The following GREB1L variants were observed in gnomAD, a reference collection of about 807,000 sequenced individuals.
The protein encoded by GREB1L is GREB1-like protein.
A neutral mutation model predicts 200.8 loss-of-function variants in GREB1L; 17 were observed. The observed-to-expected ratio is 0.08, with a 90% confidence interval of 0.06 to 0.13. GREB1L has a LOEUF of 0.13. GREB1L is among the 10% of genes least tolerant of loss of function. The probability of loss-of-function intolerance (pLI) is 1.00; values close to 1 mark genes in which losing one functional copy is unlikely to be tolerated. For synonymous variants in GREB1L, 789 were observed against 893.0 expected, an observed-to-expected ratio of 0.88 and a Z score of 2.08; for missense variants, 1,657 against 2,367.7, an observed-to-expected ratio of 0.70 and a Z score of 6.23.
At chr18:21,486,606 A>G (rs1568050448) in intron 18 of GREB1L, among the ~76,000 whole-genome samples, 1 of 152,148 alleles carries the variant, frequency 6.6e-6, no homozygotes, top group Non-Finnish European at 1.5e-5. Flanking sequence ...GGATTAAGGA[A>G]CATAACTGCT....
intron 7 of GREB1L, among the ~76,000 whole-genome samples, chr18:21,422,996 T>C (rs1432851841): frequency 6.6e-6 from 1 of 152,156 alleles, no homozygotes; most frequent in East Asian, 1.9e-4. Context: ...AGTGGCGCGA[T>C]CTCGGCTCAC....
chr18:21,501,998 C>T (rs976883787), intron 23 of GREB1L, among the ~76,000 whole-genome samples: 2 of 152,188 alleles, frequency 1.3e-5, no homozygotes, highest in South Asian at 2.1e-4. Context: ...CAGTAGCTCA[C>T]GCCTGTAATC....
At chr18:21,390,087 A>C (rs992357547) in intron 4 of GREB1L, among the ~76,000 whole-genome samples, 2 of 152,178 alleles carry the variant, frequency 1.3e-5, no homozygotes, top group African/African-American at 4.8e-5. Context: ...TTGCCTGATG[A>C]CACTGTAGCC....
At position 21,515,490 on chromosome 18, in the gene GREB1L, C is replaced by A; in HGVS notation, c.4975C>A (p.Pro1659Thr). 6.4e-7 allele frequency: 1 copy of A among 1,551,652 alleles called. No homozygotes were observed. Among genetic ancestry groups the A allele is most frequent in the Non-Finnish European group, 8.7e-7 (1 of 1,146,964 alleles). The change falls in exon 29 of 33, where the codon CCA becomes ACA. Residue 1659 changes from proline (P) to threonine (T), a missense_variant. Pro to Thr is a conservative substitution (Grantham distance 38). Coordinates refer to ENST00000424526, the MANE Select transcript of GREB1L (RefSeq NM_001142966.3). The part of the protein sequence containing the change: ...KTVLQHIEAT[P>T]KIVHYAILGI... ...TGTCTTGCAGCACATTGAAGCCACA[C>A]CAAAAATTGTCCACTATGCAATCTT...
intron 1 of GREB1L, among the ~76,000 whole-genome samples, chr18:21,338,178 T>G (rs1316550791): frequency 6.6e-6 from 1 of 152,156 alleles, no homozygotes; most frequent in Non-Finnish European, 1.5e-5. Context: ...CATCAACCCT[T>G]TCTGGGGTGT....
Position 21,291,754 on chromosome 18 carries a change from C to T in GREB1L, c.-120+49361C>T, listed in dbSNP as rs200576396. Among the ~76,000 whole-genome samples the T allele has an allele frequency of 5.9e-5, 9 of 152,224 alleles. No homozygotes were observed. In the East Asian group the frequency reaches 1.7e-3, roughly 29 times the overall value. On this transcript the variant is annotated intron_variant, in intron 1 of 32. Coordinates refer to ENST00000424526, the MANE Select transcript of GREB1L (RefSeq NM_001142966.3). ...CATGCAGCTCATTGGGGACTAAAAC[C>T]TTAAAGAGAAATGGAGGCTGGGCAT...
Position 21,500,630 on chromosome 18 carries a change from G to C in GREB1L, c.4060G>C (p.Glu1354Gln), listed in dbSNP as rs1380378064. The C allele has an allele frequency of 2.6e-6, 4 of 1,549,092 alleles. No homozygotes were observed. Among genetic ancestry groups the C allele is most frequent in the East Asian group, 4.9e-5 (2 of 40,908 alleles). Residue 1354 changes from glutamate (E) to glutamine (Q), a missense_variant, in exon 23 of 33, where the codon GAG becomes CAG. Around this residue, in one of 9 missense-constraint regions of GREB1L, gnomAD observed 512 missense variants for 668.3 expected, o/e 0.77. Coordinates refer to ENST00000424526, the MANE Select transcript of GREB1L (RefSeq NM_001142966.3). Reference protein sequence around the residue: ...LLEVDVYDEEEINTDHNESSE... With the variant: ...LLEVDVYDEEQINTDHNESSE... ...GGAGGTGGACGTGTATGATGAGGAG[G>C]AGATCAACACCGGTGAGTGCTGAGC...
intron 8 of GREB1L, 97 bp from the exon 9 acceptor site, chr18:21,440,172 G>T: frequency 8.0e-7 from 1 of 1,257,536 alleles, no homozygotes; most frequent in Non-Finnish European, 1.1e-6. Flanking sequence ...CAAATTAAAG[G>T]TTCTGTATTA....
chr18:21,432,256 C>A (rs1322492321), intron 7 of GREB1L, among the ~76,000 whole-genome samples: 5 of 152,164 alleles, frequency 3.3e-5, no homozygotes, highest in South Asian at 4.2e-4. Flanking sequence ...AGGATGGCCA[C>A]TCCATCTCTC....
chr18:21,515,176 A>C lies in GREB1L; in HGVS notation c.4902-241A>C, dbSNP rs188453057. 2.8e-4 allele frequency among the ~76,000 whole-genome samples: 42 copies of C among 152,310 alleles called. No individual in the cohort carries two copies. In the East Asian group the frequency reaches 4.6e-3, roughly 17 times the overall value. On this transcript the variant is annotated intron_variant, in intron 28 of 32. Coordinates refer to ENST00000424526, the MANE Select transcript of GREB1L (RefSeq NM_001142966.3). ...CTTTATTCACTGTTCACTCTGACACAGGCCGGATTTCTTTCTTTGCCCGAA... is the reference window on the plus strand; with the variant it reads ...CTTTATTCACTGTTCACTCTGACACCGGCCGGATTTCTTTCTTTGCCCGAA...
chr18:21,257,907 A>T (rs2037826819), intron 1 of GREB1L, among the ~76,000 whole-genome samples: 1 of 152,200 alleles, frequency 6.6e-6, no homozygotes, highest in South Asian at 2.1e-4. Context: ...AGTAGGCATC[A>T]TTATTCTCAC....
At chr18:21,426,005 T>C (rs2032536688) in intron 7 of GREB1L, among the ~76,000 whole-genome samples, 1 of 152,128 alleles carries the variant, frequency 6.6e-6, no homozygotes, top group African/African-American at 2.4e-5. Context: ...AAGAGTGTTA[T>C]AGCTATTAGC....
chr18:21,491,482 GA>G (rs1352418109), intron 19 of GREB1L, among the ~76,000 whole-genome samples: 2 of 152,128 alleles, frequency 1.3e-5, no homozygotes, highest in Non-Finnish European at 2.9e-5. Flanking sequence ...GGCTGAGGCA[GA>G]CAGATCAGGA....
At chr18:21,411,924 A>G (rs1030120609) in intron 7 of GREB1L, among the ~76,000 whole-genome samples, 1 of 151,912 alleles carries the variant, frequency 6.6e-6, no homozygotes, top group Non-Finnish European at 1.5e-5. Context: ...GGGCGCCTAT[A>G]GTCCCAGCTA....
intron 1 of GREB1L, among the ~76,000 whole-genome samples, chr18:21,310,825 A>C (rs530728257): frequency 2.0e-5 from 3 of 152,198 alleles, no homozygotes; most frequent in Non-Finnish European, 4.4e-5. Flanking sequence ...AAATAGAAAA[A>C]AATTTTAAGT....
intron 7 of GREB1L, among the ~76,000 whole-genome samples, chr18:21,428,890 G>A (rs1468014325): frequency 6.6e-6 from 1 of 151,570 alleles, no homozygotes; most frequent in Non-Finnish European, 1.5e-5. Flanking sequence ...GCTAATTTTT[G>A]TATTTTTAGT....
chr18:21,401,774 A>G (rs1278755842), intron 6 of GREB1L: 1 of 152,890 alleles, frequency 6.5e-6, no homozygotes, highest in South Asian at 2.1e-4. Context: ...AAAATACACT[A>G]TTAAGTTGTC....
chr18:21,414,319 C>T (rs2031404943), intron 7 of GREB1L, among the ~76,000 whole-genome samples: 2 of 151,956 alleles, frequency 1.3e-5, no homozygotes, highest in African/African-American at 2.4e-5. Flanking sequence ...GTGGATAAAA[C>T]ATAGAAGGGC....
Position 21,363,298 on chromosome 18 carries a change from C to CA in GREB1L, c.-119-2729_-119-2728insA, listed in dbSNP as rs1567952024. Among the ~76,000 whole-genome samples, 253 of 114,726 alleles carry CA rather than the reference C, an allele frequency of 2.2e-3. 18 individuals carry two copies. The highest frequency in any genetic ancestry group is 8.4e-3 in the African/African-American group (248 of 29,574). The allele number at this position is 114,726 out of a possible 152,430, so 75.3% of individuals were successfully genotyped here. A position where few individuals can be genotyped will look rare whatever the true frequency, so the allele number is the denominator to read the frequency against. On this transcript the variant is annotated intron_variant, in intron 1 of 32. Transcript: ENST00000424526. Reference sequence around the variant, plus strand: ...TCCGCCTCCCCCCCGCCCCCCCCCCCCCACACACACAAGAACTCCTCCTGC... The same window carrying CA: ...TCCGCCTCCCCCCCGCCCCCCCCCCCACCACACACACAAGAACTCCTCCTGC...
Sources: allele counts gnomAD v4.1 joint callset (sites outside exome capture counted in the v4.1 genomes callset), GRCh38; gene constraint gnomAD v4.1.1; regional missense constraint gnomAD v4.1.1; transcripts MANE v1.5; gene names NCBI Gene and HGNC (gene_info 2026-07-23, HGNC 2026-07-21).